GALNT13: variants seen among roughly 807,000 people sequenced by gnomAD.
The protein encoded by GALNT13 is UDP-GalNAc:polypeptide N-acetylgalactosaminyltransferase 13.
Under a neutral mutation model 64.2 loss-of-function variants are expected in GALNT13, and 28 were observed. That is an observed-to-expected ratio of 0.44 (90% CI 0.32 to 0.60). The LOEUF is 0.60. Among genes scored for constraint, GALNT13 ranks in the 20% least tolerant of loss-of-function variants. The pLI, the probability that GALNT13 is intolerant of heterozygous loss-of-function variation, is 0.05. For synonymous variants in GALNT13, 214 were observed against 224.6 expected, an observed-to-expected ratio of 0.95 and a Z score of 0.42; for missense variants, 577 against 669.8, an observed-to-expected ratio of 0.86 and a Z score of 1.53.
At chr2:153,415,233 G>C in the GALNT13 span, among the ~76,000 whole-genome samples, 2 of 152,164 alleles carry the variant, frequency 1.3e-5, no homozygotes, top group African/African-American at 4.8e-5. Flanking sequence ...TGCAAGGCCA[G>C]GGCAGAAGAG....
chr2:154,242,921 TTCTGTCTGC>T lies in GALNT13; in HGVS notation c.686+17_686+25del. On this transcript the variant is annotated intron_variant, in intron 6 of 12. Transcript: ENST00000392825. ...AGGAAGACAGGTAAGAATTTATGTGTTCTGTCTGCCTGGGTTATGACTGAACCTCTTAGG... is the reference window on the plus strand; with the variant it reads ...AGGAAGACAGGTAAGAATTTATGTGTCTGGGTTATGACTGAACCTCTTAGG... The T allele has an allele frequency of 6.2e-7, 1 of 1,604,918 alleles. No homozygotes were observed. The highest frequency in any genetic ancestry group is 8.5e-7 in the Non-Finnish European group (1 of 1,172,250).
At chr2:153,210,340 A>G in the GALNT13 span, among the ~76,000 whole-genome samples, 1 of 152,170 alleles carries the variant, frequency 6.6e-6, no homozygotes, top group Non-Finnish European at 1.5e-5. Flanking sequence ...TAGTTCACTG[A>G]GAATTTTCAT....
chr2:153,514,177 T>C, the GALNT13 span, among the ~76,000 whole-genome samples: 5 of 152,284 alleles, frequency 3.3e-5, no homozygotes, highest in African/African-American at 1.2e-4. Context: ...TCTCTTTAGC[T>C]CTTACCCATT....
the GALNT13 span, among the ~76,000 whole-genome samples, chr2:153,390,774 C>G: frequency 6.6e-6 from 1 of 152,176 alleles, no homozygotes; most frequent in South Asian, 2.1e-4. Context: ...GGACCACTTA[C>G]GATTCCCGGC....
At chr2:153,932,346 C>CT (rs1323126346) in intron 2 of GALNT13, among the ~76,000 whole-genome samples, 2 of 151,508 alleles carry the variant, frequency 1.3e-5, no homozygotes, top group African/African-American at 4.8e-5. Context: ...TCAATTTGCC[C>CT]TTGTTTTACT....
the GALNT13 span, among the ~76,000 whole-genome samples, chr2:153,792,888 C>T: frequency 6.6e-6 from 1 of 151,916 alleles, no homozygotes; most frequent in East Asian, 1.9e-4. Context: ...AAAATGCATG[C>T]TTCCTAACAG....
chr2:153,087,140 C>T, the GALNT13 span, among the ~76,000 whole-genome samples: 1 of 151,946 alleles, frequency 6.6e-6, no homozygotes, highest in Non-Finnish European at 1.5e-5. Flanking sequence ...CTTTTATTAC[C>T]TTGAGGTATG....
At chr2:153,162,278 CA>C in the GALNT13 span, among the ~76,000 whole-genome samples, 4 of 152,248 alleles carry the variant, frequency 2.6e-5, no homozygotes, top group South Asian at 8.3e-4. Flanking sequence ...TTAATTTTAG[CA>C]GTTAATTTTC....
At chr2:153,937,994 G>C (rs937664035) in intron 2 of GALNT13, among the ~76,000 whole-genome samples, 1 of 152,200 alleles carries the variant, frequency 6.6e-6, no homozygotes, top group East Asian at 1.9e-4. Flanking sequence ...TTTACATTAA[G>C]GGTGAGTAGA....
intron 3 of GALNT13, among the ~76,000 whole-genome samples, chr2:154,038,091 T>C (rs889310213): frequency 4.6e-5 from 7 of 152,028 alleles, no homozygotes; most frequent in African/African-American, 1.7e-4. Context: ...GTGAGCCATA[T>C]TTGTGCCACC....
chr2:153,852,674 C>G, the GALNT13 span, among the ~76,000 whole-genome samples: 2 of 152,118 alleles, frequency 1.3e-5, no homozygotes, highest in Non-Finnish European at 2.9e-5. Context: ...ATCAAACATT[C>G]CACACAACAA....
the GALNT13 span, among the ~76,000 whole-genome samples, chr2:153,783,512 G>T: frequency 6.6e-6 from 1 of 151,846 alleles, no homozygotes; most frequent in Non-Finnish European, 1.5e-5. Flanking sequence ...ACCTTCAATG[G>T]TACCATATTT....
the GALNT13 span, among the ~76,000 whole-genome samples, chr2:153,382,774 A>G: frequency 6.6e-6 from 1 of 152,122 alleles, no homozygotes; most frequent in Non-Finnish European, 1.5e-5. Flanking sequence ...AAACTGTTAT[A>G]TAAATCTAAA....
At chr2:153,612,608 C>T in the GALNT13 span, among the ~76,000 whole-genome samples, 699 of 150,462 alleles carry the variant, frequency 4.6e-3, 5 homozygotes, top group African/African-American at 0.016. Context: ...CCAGTACATT[C>T]GAGGTTTTGT....
chr2:153,311,327 A>C, the GALNT13 span, among the ~76,000 whole-genome samples: 3 of 151,654 alleles, frequency 2.0e-5, no homozygotes, highest in African/African-American at 7.3e-5. Flanking sequence ...CAAATGGAAG[A>C]GTATATTTTA....
chr2:153,307,025 C>A, the GALNT13 span, among the ~76,000 whole-genome samples: 1 of 152,224 alleles, frequency 6.6e-6, no homozygotes, highest in Non-Finnish European at 1.5e-5. Flanking sequence ...CATGAGCCAA[C>A]GCACCCAGCT....
the GALNT13 span, among the ~76,000 whole-genome samples, chr2:153,362,480 C>T: frequency 2.2e-3 from 306 of 141,804 alleles, 2 homozygotes; most frequent in African/African-American, 7.3e-3. Flanking sequence ...TTTCGGGAGA[C>T]ACATCTCATG....
chr2:154,419,753 A>G (rs2105420422), intron 11 of GALNT13, among the ~76,000 whole-genome samples: 1 of 152,284 alleles, frequency 6.6e-6, no homozygotes, highest in South Asian at 2.1e-4. Context: ...TATCGATAAG[A>G]AAAGCAGTAC....
the GALNT13 span, among the ~76,000 whole-genome samples, chr2:153,809,154 A>G: frequency 1.3e-5 from 2 of 152,330 alleles, no homozygotes; most frequent in South Asian, 2.1e-4. Context: ...TGCTTCACTG[A>G]TAACATAGAT....
Sources: allele counts gnomAD v4.1 joint callset (sites outside exome capture counted in the v4.1 genomes callset), GRCh38; gene constraint gnomAD v4.1.1; transcripts MANE v1.5; gene names NCBI Gene and HGNC (gene_info 2026-07-23, HGNC 2026-07-21).